Variants in VSNL1 observed in about 807,000 individuals in gnomAD.
VSNL1 encodes the protein visinin-like protein 1.
In VSNL1, 6 loss-of-function variants were observed where a neutral mutation model predicts 20.4. The ratio of observed to expected loss-of-function variants is 0.29; its 90% CI spans 0.16 to 0.58. The LOEUF is 0.58. VSNL1 is among the 20% of genes least tolerant of loss of function. The pLI, the probability that VSNL1 is intolerant of heterozygous loss-of-function variation, is 0.90. For synonymous variants in VSNL1, 93 were observed against 86.4 expected (o/e 1.08, Z -0.42); for missense variants, 100 against 234.5 (o/e 0.43, Z 3.75).
At chr2:17,641,819 G>C (rs1436687599) in intron 2 of VSNL1, among the ~76,000 whole-genome samples, 4 of 152,172 alleles carry the variant, frequency 2.6e-5, no homozygotes, top group African/African-American at 9.7e-5. Flanking sequence ...TAGGGATAGA[G>C]ATAGAAATAT....
intron 1 of VSNL1, among the ~76,000 whole-genome samples, chr2:17,571,819 G>A (rs150614266): frequency 8.5e-5 from 13 of 152,318 alleles, no homozygotes; most frequent in African/African-American, 3.1e-4. Flanking sequence ...TCATGGGAGA[G>A]ACTAGTTGAA....
intron 2 of VSNL1, among the ~76,000 whole-genome samples, chr2:17,612,281 T>C (rs773727053): frequency 6.6e-6 from 1 of 152,158 alleles, no homozygotes; most frequent in Non-Finnish European, 1.5e-5. Context: ...AGCCATGTGA[T>C]TTCTGTGGCT....
At chr2:17,629,403 C>T (rs533433338) in intron 2 of VSNL1, among the ~76,000 whole-genome samples, 3 of 152,348 alleles carry the variant, frequency 2.0e-5, no homozygotes, top group African/African-American at 7.2e-5. Flanking sequence ...TATCAGCAGT[C>T]CTTCACTTAA....
chr2:17,649,977 G>A lies in VSNL1; in HGVS notation c.378+352G>A, dbSNP rs961124167. On this transcript the variant is annotated intron_variant, in intron 3 of 3. Transcript: ENST00000295156. This position sits in a 1 kb window ranked among gnomAD's most constrained non-coding sequence, Gnocchi z 6.4. ...CTCCAGCTGCGCCTAGTGGGGACCC[G>A]AGGCTGTCAGGGGCTCCCGGGACAT... is the stretch of plus-strand genomic sequence containing the variant. Among the ~76,000 whole-genome samples the A allele has an allele frequency of 6.6e-6, 1 of 152,174 alleles. No individual in the cohort carries two copies. Among genetic ancestry groups the A allele is most frequent in the Non-Finnish European group, 1.5e-5 (1 of 68,034 alleles).
chr2:17,604,705 A>C (rs1039562807), intron 2 of VSNL1, among the ~76,000 whole-genome samples: 1 of 152,224 alleles, frequency 6.6e-6, no homozygotes, highest in African/African-American at 2.4e-5. Context: ...AAAGAAGCAT[A>C]CTCAAAACAT....
At position 17,649,770 on chromosome 2, in the gene VSNL1, C is replaced by T. The variant is rs139882281; in HGVS notation, c.378+145C>T. The T allele has an allele frequency of 2.5e-4, 200 of 793,018 alleles. No homozygotes were observed. The East Asian group carries it at 4.8e-3, about 19-fold the overall frequency. The allele number at this position is 793,018 out of a possible 1,614,324, so 49.1% of individuals were successfully genotyped here. Reference sequence around the variant, plus strand: ...ACGCCTGGACTTCTCCTGCTTCTGTCCCCGCTGCAGCACAGTGCTGGGGAG... The same window carrying T: ...ACGCCTGGACTTCTCCTGCTTCTGTTCCCGCTGCAGCACAGTGCTGGGGAG... On this transcript the variant is annotated intron_variant, in intron 3 of 3. Transcript: ENST00000295156. This position sits in a 1 kb window ranked among gnomAD's most constrained non-coding sequence, Gnocchi z 6.4.
chr2:17,607,944 C>A (rs1664986583), intron 2 of VSNL1, among the ~76,000 whole-genome samples: 1 of 152,132 alleles, frequency 6.6e-6, no homozygotes, highest in Non-Finnish European at 1.5e-5. Context: ...ATAACATCCC[C>A]CATTCTGAGA....
intron 1 of VSNL1, among the ~76,000 whole-genome samples, chr2:17,573,983 T>G (rs1664141578): frequency 6.6e-6 from 1 of 152,264 alleles, no homozygotes; most frequent in South Asian, 2.1e-4. Context: ...AATGCAGTTC[T>G]CAAAAGCCAA....
At chr2:17,566,789 T>C (rs1482510638) in intron 1 of VSNL1, among the ~76,000 whole-genome samples, 1 of 152,196 alleles carries the variant, frequency 6.6e-6, no homozygotes, top group Non-Finnish European at 1.5e-5. Context: ...AACTGAAACG[T>C]ATTTTTGAGA....
At chr2:17,555,400 G>A (rs974085181) in intron 1 of VSNL1, among the ~76,000 whole-genome samples, 1 of 152,144 alleles carries the variant, frequency 6.6e-6, no homozygotes, top group African/African-American at 2.4e-5. Context: ...CTGAGATCCT[G>A]GAGCACTGAT....
chr2:17,583,242 T>A (rs1319233006), intron 1 of VSNL1, among the ~76,000 whole-genome samples: 1 of 152,184 alleles, frequency 6.6e-6, no homozygotes, highest in African/African-American at 2.4e-5. Flanking sequence ...GCATTCCTGA[T>A]GATCAATGCC....
At chr2:17,641,453 A>G (rs964319330) in intron 2 of VSNL1, among the ~76,000 whole-genome samples, 12 of 152,214 alleles carry the variant, frequency 7.9e-5, no homozygotes, top group African/African-American at 2.9e-4. Flanking sequence ...CAATTTCCAA[A>G]GTGTAATTTG....
At chr2:17,620,180 T>C (rs1425084372) in intron 2 of VSNL1, among the ~76,000 whole-genome samples, 4 of 152,182 alleles carry the variant, frequency 2.6e-5, no homozygotes, top group Non-Finnish European at 5.9e-5. Flanking sequence ...TCATGCCTAA[T>C]GTGTCCGTCA....
chr2:17,557,812 A>G (rs1465288038), intron 1 of VSNL1, among the ~76,000 whole-genome samples: 1 of 152,134 alleles, frequency 6.6e-6, no homozygotes, highest in Non-Finnish European at 1.5e-5. Context: ...TCTGATGCAA[A>G]GTTCCCTGGG....
At chr2:17,591,004 C>G (rs1051235110) in intron 1 of VSNL1, among the ~76,000 whole-genome samples, 1 of 151,756 alleles carries the variant, frequency 6.6e-6, no homozygotes, top group African/African-American at 2.4e-5. Flanking sequence ...TAGCAATAGT[C>G]TTATTATTAT....
chr2:17,637,864 C>A (rs1665790546), intron 2 of VSNL1, among the ~76,000 whole-genome samples: 1 of 152,216 alleles, frequency 6.6e-6, no homozygotes, highest in Admixed American at 6.5e-5. Flanking sequence ...ACAGAATGAC[C>A]TTTGCTGAGT....
chr2:17,639,088 T>C (rs1294261247), intron 2 of VSNL1, among the ~76,000 whole-genome samples: 1 of 152,204 alleles, frequency 6.6e-6, no homozygotes, highest in Non-Finnish European at 1.5e-5. Context: ...TCTATTCTTT[T>C]GCTAAGGGGC....
At position 17,565,662 on chromosome 2, in the gene VSNL1, C is replaced by T. The variant is rs936580705; in HGVS notation, c.-6+24744C>T. On this transcript the variant is annotated intron_variant, in intron 1 of 3. Transcript: ENST00000295156. ...AGAAAGAAAAATATATTCAATAAAACTGTGTTAGGATAACTGAATGTCTAC... is the reference window on the plus strand; with the variant it reads ...AGAAAGAAAAATATATTCAATAAAATTGTGTTAGGATAACTGAATGTCTAC... 6.6e-5 allele frequency among the ~76,000 whole-genome samples: 10 copies of T among 152,240 alleles called. No individual in the cohort carries two copies. The South Asian group carries it at 2.1e-3, about 32-fold the overall frequency.
chr2:17,561,056 C>G (rs1427338182), intron 1 of VSNL1, among the ~76,000 whole-genome samples: 1 of 152,132 alleles, frequency 6.6e-6, no homozygotes, highest in Non-Finnish European at 1.5e-5. Context: ...ACAGTTCAAA[C>G]ATTAATTGAG....
Sources: allele counts gnomAD v4.1 joint callset (sites outside exome capture counted in the v4.1 genomes callset), GRCh38; gene constraint gnomAD v4.1.1; non-coding constraint Gnocchi (gnomAD v3.1); transcripts MANE v1.5; gene names NCBI Gene and HGNC (gene_info 2026-07-23, HGNC 2026-07-21).